Variants in BMPR1B observed in about 807,000 individuals in gnomAD.
BMPR1B encodes the protein bone morphogenetic protein receptor type 1B.
BMPR1B carries 12 observed loss-of-function variants against 59.1 expected under a neutral mutation model. The observed-to-expected ratio is 0.20, with a 90% CI of 0.13 to 0.33. BMPR1B has a LOEUF of 0.33. Ranked by LOEUF, BMPR1B falls within the 10% of genes least tolerant of loss-of-function variation. The pLI, the probability that BMPR1B is intolerant of heterozygous loss-of-function variation, is 1.00. For missense variants in BMPR1B, 550 were observed against 610.9 expected (o/e 0.90, Z 1.05); for synonymous variants, 237 against 207.3 (o/e 1.14, Z -1.23).
chr4:94,989,349 A>G (rs990062571), intron 2 of BMPR1B, among the ~76,000 whole-genome samples: 2 of 150,822 alleles, frequency 1.3e-5, no homozygotes, highest in East Asian at 2.0e-4. Flanking sequence ...AGATTGTGCT[A>G]CTGCACTCCA....
At chr4:94,804,540 G>T (rs528123263) in intron 1 of BMPR1B, among the ~76,000 whole-genome samples, 3 of 150,432 alleles carry the variant, frequency 2.0e-5, no homozygotes, top group African/African-American at 7.3e-5. Context: ...CAACCAAAGA[G>T]AAATCAGACA....
At chr4:94,822,265 C>T (rs1724235368) in intron 1 of BMPR1B, among the ~76,000 whole-genome samples, 1 of 152,132 alleles carries the variant, frequency 6.6e-6, no homozygotes, top group Admixed American at 6.6e-5. Context: ...CTCCCAACAC[C>T]ACCACAATGG....
intron 1 of BMPR1B, among the ~76,000 whole-genome samples, chr4:94,805,303 A>G (rs1723565224): frequency 6.6e-6 from 1 of 152,192 alleles, no homozygotes; most frequent in African/African-American, 2.4e-5. Context: ...TGGTCAAAAG[A>G]TTACACTGAC....
chr4:94,910,585 C>A (rs1728234571), intron 2 of BMPR1B, among the ~76,000 whole-genome samples: 1 of 151,932 alleles, frequency 6.6e-6, no homozygotes, highest in African/African-American at 2.4e-5. Context: ...TTGCTTATTT[C>A]TATTGTACCG....
intron 1 of BMPR1B, among the ~76,000 whole-genome samples, chr4:94,776,562 A>G (rs1435530377): frequency 6.6e-6 from 1 of 152,248 alleles, no homozygotes; most frequent in Non-Finnish European, 1.5e-5. Flanking sequence ...GCAATTATTT[A>G]GCTACTTGTA....
At chr4:94,840,210 C>T (rs1725000871) in intron 1 of BMPR1B, among the ~76,000 whole-genome samples, 1 of 147,762 alleles carries the variant, frequency 6.8e-6, no homozygotes, top group Non-Finnish European at 1.5e-5. Context: ...TCCTTCATTT[C>T]AACTTTGGTG....
intron 1 of BMPR1B, among the ~76,000 whole-genome samples, chr4:94,830,037 T>G (rs1724519584): frequency 6.6e-6 from 1 of 152,194 alleles, no homozygotes; most frequent in African/African-American, 2.4e-5. Context: ...ACTTATTATG[T>G]AAGTATATGA....
At chr4:94,898,939 A>G (rs1727693482) in intron 2 of BMPR1B, among the ~76,000 whole-genome samples, 1 of 152,066 alleles carries the variant, frequency 6.6e-6, no homozygotes, top group African/African-American at 2.4e-5. Flanking sequence ...GTGGATTTAA[A>G]CAACTGAAAT....
chr4:94,958,484 C>T (rs1350894595), intron 2 of BMPR1B, among the ~76,000 whole-genome samples: 1 of 152,160 alleles, frequency 6.6e-6, no homozygotes, highest in African/African-American at 2.4e-5. Flanking sequence ...CTACCCTTTG[C>T]TGCTTCCTTC....
intron 2 of BMPR1B, among the ~76,000 whole-genome samples, chr4:94,914,491 A>G (rs1339868345): frequency 1.3e-5 from 2 of 152,254 alleles, no homozygotes; most frequent in East Asian, 3.9e-4. Flanking sequence ...TTGAGTGATC[A>G]GAGGGCCAGT....
At chr4:94,947,824 C>T (rs1391747983) in intron 2 of BMPR1B, among the ~76,000 whole-genome samples, 1 of 152,190 alleles carries the variant, frequency 6.6e-6, no homozygotes, top group Admixed American at 6.5e-5. Context: ...AAGGAGGCCT[C>T]CTCCCACCTG....
rs528021780 is a variant in BMPR1B at position 94,849,416 on chromosome 4, G to A, written c.-182-26415G>A. Among the ~76,000 whole-genome samples the A allele has an allele frequency of 2.6e-5, 4 of 152,290 alleles. No individual in the cohort carries two copies. In the South Asian group the frequency reaches 8.3e-4, roughly 32 times the overall value. On this transcript the variant is annotated intron_variant, in intron 1 of 12. Coordinates refer to ENST00000515059, the MANE Select transcript of BMPR1B (RefSeq NM_001203.3). ...TCAGTAGAGGTCAAGGCGGGGAAAC[G>A]AAGTATAGGCAGCAGATTTAGACCG...
chr4:95,116,419 GCGCACACACACACA>G, intron 6 of BMPR1B, among the ~76,000 whole-genome samples: 1 of 51,150 alleles, frequency 2.0e-5, no homozygotes, highest in East Asian at 6.5e-4. Context: ...CTTTCAGCGC[GCGCACACACACACA>G]CACACACACA....
At chr4:94,874,000 C>T (rs756829259) in intron 1 of BMPR1B, among the ~76,000 whole-genome samples, 13 of 152,102 alleles carry the variant, frequency 8.5e-5, no homozygotes, top group Non-Finnish European at 1.8e-4. Context: ...TTAGATACCT[C>T]ATGTAAGTTG....
intron 1 of BMPR1B, among the ~76,000 whole-genome samples, chr4:94,767,892 ACTT>A (rs1471237929): frequency 1.3e-5 from 2 of 151,984 alleles, no homozygotes; most frequent in Non-Finnish European, 2.9e-5. Flanking sequence ...AGTTGTAAAA[ACTT>A]CTTAATTCGA....
intron 3 of BMPR1B, among the ~76,000 whole-genome samples, chr4:95,097,334 T>C (rs1469587316): frequency 1.3e-5 from 2 of 151,550 alleles, no homozygotes; most frequent in African/African-American, 4.8e-5. Flanking sequence ...TTTGATATAG[T>C]ATTTATTCCT....
At chr4:95,137,885 T>C (rs1202954902) in intron 10 of BMPR1B, among the ~76,000 whole-genome samples, 1 of 152,228 alleles carries the variant, frequency 6.6e-6, no homozygotes, top group Non-Finnish European at 1.5e-5. Flanking sequence ...ATCTTTTAAT[T>C]GGAGCATTCA....
chr4:94,819,111 G>T (rs1435969871), intron 1 of BMPR1B, among the ~76,000 whole-genome samples: 1 of 152,152 alleles, frequency 6.6e-6, no homozygotes, highest in East Asian at 1.9e-4. Context: ...ACTCCAGCCA[G>T]GGTGACAGAG....
At chr4:95,086,954 T>C (rs1045386676) in intron 3 of BMPR1B, among the ~76,000 whole-genome samples, 2 of 151,998 alleles carry the variant, frequency 1.3e-5, no homozygotes, top group African/African-American at 2.4e-5. Context: ...GTTTTACCTA[T>C]ATGTGGTCCT....
Sources: gnomAD v4.1 joint callset for allele counts (sites outside exome capture counted in the v4.1 genomes callset) on GRCh38, gnomAD v4.1.1 for gene constraint, MANE v1.5 for transcripts, NCBI Gene and HGNC (gene_info 2026-07-23, HGNC 2026-07-21) for gene names.